ZNF676: variants seen among roughly 807,000 people sequenced by gnomAD.
ZNF676 encodes zinc finger protein 676.
ZNF676 carries 4 observed loss-of-function variants against 6.0 expected under a neutral mutation model. The observed-to-expected ratio is 0.67, with a 90% CI of 0.33 to 1.53. The LOEUF is 1.53. Among genes scored for constraint, ZNF676 ranks in the 40% most tolerant of loss-of-function variants. ZNF676 has a pLI of 0.06. For missense variants in ZNF676, 644 were observed against 679.7 expected (o/e 0.95, Z 0.58); for synonymous variants, 198 against 223.1 (o/e 0.89, Z 1.00).
chr19:22,203,935 T>G, intron 1 of ZNF676: 1 of 151,868 alleles, frequency 6.6e-6, no homozygotes, highest in African/African-American at 2.4e-5. Context: ...TCTCTGCTGC[T>G]CTCTTATTTC....
In ZNF676 at chr19:22,195,389, TGG is replaced by T. The variant is rs368929853; in HGVS notation, c.34+1209_34+1210del. Among the ~76,000 whole-genome samples the T allele has an allele frequency of 2.6e-3, 397 of 152,342 alleles. 1 individual carries two copies. Among genetic ancestry groups the T allele is most frequent in the African/African-American group, 8.6e-3 (358 of 41,582 alleles). ...GATTTCTAATAATCTGTCCAAGCCT[TGG>T]GCTGCCACCCCTGCTTTGCACTTTG... is the stretch of plus-strand genomic sequence containing the variant. On this transcript the variant is annotated intron_variant, in intron 1 of 2. Transcript: ENST00000397121.
the ZNF676 span, among the ~76,000 whole-genome samples, chr19:22,229,521 GA>G: frequency 1.3e-5 from 2 of 152,170 alleles, no homozygotes; most frequent in Non-Finnish European, 2.9e-5. Flanking sequence ...TTAAACTCAA[GA>G]GCTTCTGCAC....
At chr19:22,216,149 T>A (rs2024186572), upstream of ZNF676, among the ~76,000 whole-genome samples, 1 of 152,252 alleles carries the variant, frequency 6.6e-6, no homozygotes, top group Admixed American at 6.5e-5. Context: ...TTATCAATAC[T>A]AAAGGCTGGG....
At chr19:22,233,767 G>C in the ZNF676 span, among the ~76,000 whole-genome samples, 2 of 151,776 alleles carry the variant, frequency 1.3e-5, no homozygotes, top group African/African-American at 4.8e-5. Context: ...TGACCATTTT[G>C]TTCATGGACC....
At position 22,192,944 on chromosome 19, in the gene ZNF676, T is replaced by C. The variant is rs1009610683; in HGVS notation, c.130+72A>G. 9.2e-6 allele frequency: 13 copies of C among 1,407,478 alleles called. No individual in the cohort carries two copies. In the Admixed American group the frequency reaches 3.3e-4, roughly 35 times the overall value. 87.2% of individuals were successfully genotyped at this position (1,407,478 alleles called of 1,614,324 possible). ...TACTTTTGGAACACAGCTTCCCAAA[T>C]GACTTTAAGGACTGGCTTCCTCATT... On this transcript the variant is annotated intron_variant, in intron 2 of 2. Coordinates refer to ENST00000397121, the MANE Select transcript of ZNF676 (RefSeq NM_001001411.3).
At chr19:22,197,253 C>T (rs965015515), upstream of ZNF676, among the ~76,000 whole-genome samples, 5 of 149,738 alleles carry the variant, frequency 3.3e-5, no homozygotes, top group Admixed American at 6.7e-5. Flanking sequence ...ACCCAGGAGG[C>T]GGAGGCTGCA....
At chr19:22,182,855 T>C (rs1007353299) in intron 2 of ZNF676, among the ~76,000 whole-genome samples, 11 of 151,974 alleles carry the variant, frequency 7.2e-5, no homozygotes, top group South Asian at 4.1e-4. Context: ...CACAAAAAAA[T>C]TGAATTTCTA....
the ZNF676 span, among the ~76,000 whole-genome samples, chr19:22,256,140 G>A: frequency 2.6e-3 from 400 of 152,300 alleles, 3 homozygotes; most frequent in Non-Finnish European, 1.6e-3. Flanking sequence ...AAAAATAGGA[G>A]ACCCTGAATC....
At chr19:22,247,516 A>G in the ZNF676 span, among the ~76,000 whole-genome samples, 47 of 151,802 alleles carry the variant, frequency 3.1e-4, no homozygotes, top group African/African-American at 9.9e-4. Flanking sequence ...GTAAGCCAAG[A>G]TCGTACCATT....
chr19:22,187,735 T>C (rs1315955074), intron 2 of ZNF676, among the ~76,000 whole-genome samples: 4 of 151,908 alleles, frequency 2.6e-5, no homozygotes, highest in African/African-American at 7.2e-5. Flanking sequence ...GAGAATACTA[T>C]AAACGTCTCT....
At chr19:22,218,414 A>G (rs2024215175), upstream of ZNF676, among the ~76,000 whole-genome samples, 2 of 150,730 alleles carry the variant, frequency 1.3e-5, no homozygotes, top group African/African-American at 2.4e-5. Flanking sequence ...GCTCACTACA[A>G]CCTCTGCCTC....
chr19:22,181,132 T>TGAA lies in ZNF676; in HGVS notation c.584_585insTTC (p.Lys195delinsAsnSer), dbSNP rs2023741082. On this transcript the variant is annotated protein_altering_variant, in exon 3 of 3. Coordinates refer to ENST00000397121, the MANE Select transcript of ZNF676 (RefSeq NM_001001411.3). ...TGCCACATTCTTCACATTTGTAGGGTTTCTCTCCAGTATGAATACTCTTAT... is the reference window on the plus strand; with the variant it reads ...TGCCACATTCTTCACATTTGTAGGGTGAATTCTCTCCAGTATGAATACTCTTAT... 1 of 1,613,706 alleles carries TGAA rather than the reference T, an allele frequency of 6.2e-7. No individual in the cohort carries two copies. Among genetic ancestry groups the TGAA allele is most frequent in the Non-Finnish European group, 8.5e-7 (1 of 1,179,942 alleles).
chr19:22,250,414 G>T, the ZNF676 span, among the ~76,000 whole-genome samples: 1 of 151,900 alleles, frequency 6.6e-6, no homozygotes, highest in Non-Finnish European at 1.5e-5. Context: ...CTTTAAGAAG[G>T]CAAGTTATTT....
chr19:22,259,538 A>G, the ZNF676 span, among the ~76,000 whole-genome samples: 2,256 of 152,340 alleles, frequency 0.015, 48 homozygotes, highest in African/African-American at 0.051. Context: ...TGCTGGACCC[A>G]TGGGTAAATG....
the ZNF676 span, among the ~76,000 whole-genome samples, chr19:22,227,604 A>G: frequency 6.6e-6 from 1 of 152,214 alleles, no homozygotes; most frequent in Non-Finnish European, 1.5e-5. Flanking sequence ...CAAAATAGAT[A>G]GACTGCTAGC....
chr19:22,255,571 T>C, the ZNF676 span, among the ~76,000 whole-genome samples: 5 of 152,130 alleles, frequency 3.3e-5, no homozygotes, highest in Admixed American at 6.5e-5. Flanking sequence ...TATCACTGGG[T>C]GCAGTGGCTC....
Position 22,180,643 on chromosome 19 carries a change from A to T in ZNF676, c.1074T>A (p.Ile358=), listed in dbSNP as rs184803507. Residue 358 remains isoleucine, a synonymous_variant, in exon 3 of 3, where the codon ATT becomes ATA. Transcript: ENST00000397121. ...ATTTGTAGGGTTTCTCTCCAGTATG[A>T]ATAATCTTATGTTTAGTAAGGATTG... ...RSSILTKHKI[I]HTGEKPYKCE... is the part of the protein sequence containing the mutation. 1.1e-4 allele frequency: 184 copies of T among 1,612,626 alleles called. No homozygotes were observed. The East Asian group carries it at 3.5e-3, about 31-fold the overall frequency.
the ZNF676 span, among the ~76,000 whole-genome samples, chr19:22,237,617 T>C: frequency 4.6e-5 from 7 of 152,164 alleles, no homozygotes; most frequent in South Asian, 4.1e-4. Flanking sequence ...CTGGCAACTT[T>C]CTCAGGGGAG....
chr19:22,227,897 A>G, the ZNF676 span, among the ~76,000 whole-genome samples: 1 of 152,194 alleles, frequency 6.6e-6, no homozygotes, highest in African/African-American at 2.4e-5. Flanking sequence ...ACCTGGGACC[A>G]GACAGATTCA....
Sources: gnomAD v4.1 joint callset for allele counts (sites outside exome capture counted in the v4.1 genomes callset) on GRCh38, gnomAD v4.1.1 for gene constraint, MANE v1.5 for transcripts, NCBI Gene and HGNC (gene_info 2026-07-23, HGNC 2026-07-21) for gene names.